Variants in TDRD3 observed in about 807,000 individuals in gnomAD.
TDRD3 encodes the protein tudor domain-containing protein 3.
TDRD3 carries 45 observed loss-of-function variants against 86.7 expected under a neutral mutation model. The ratio of observed to expected loss-of-function variants is 0.52; its 90% confidence interval spans 0.41 to 0.67. The LOEUF (loss-of-function observed/expected upper bound fraction) is 0.67. TDRD3 is among the 30% of genes least tolerant of loss of function. TDRD3 has a pLI of 0.00. For missense variants in TDRD3, 814 were observed against 889.0 expected (o/e 0.92, Z 1.07); for synonymous variants, 298 against 301.7 (o/e 0.99, Z 0.13).
intron 6 of TDRD3, 34 bp from the exon 7 acceptor site, chr13:60,485,762 AACT>A: frequency 6.8e-7 from 1 of 1,474,840 alleles, no homozygotes; most frequent in Non-Finnish European, 9.0e-7. Context: ...TCTCTTTTGG[AACT>A]ACTAAGTTGA....
Position 60,460,417 on chromosome 13 carries a change from G to A in TDRD3, c.230G>A (p.Arg77His), listed in dbSNP as rs750425254. 1.0e-5 allele frequency: 16 copies of A among 1,601,008 alleles called. No homozygotes were observed. Among genetic ancestry groups the A allele is most frequent in the South Asian group, 2.3e-5 (2 of 87,778 alleles). Residue 77 changes from arginine (R) to histidine (H), a missense_variant, in exon 4 of 14, where the codon CGC becomes CAC. By Grantham distance (29) the Arg-to-His change is conservative. Coordinates refer to ENST00000377881, the MANE Select transcript of TDRD3 (RefSeq NM_001146070.2). ...TGTGTTTTGCAAATTCAAAAAATTC[G>A]CAATGTTGCTGCACCAAAGGATAAT... ...GPCVLQIQKI[R>H]NVAAPKDNEE...
chr13:60,424,069 T>G (rs1954733164), intron 1 of TDRD3, among the ~76,000 whole-genome samples: 1 of 152,092 alleles, frequency 6.6e-6, no homozygotes, highest in Non-Finnish European at 1.5e-5. Flanking sequence ...TCGCCCAGGC[T>G]GGAGTGCAGT....
chr13:60,420,179 C>T (rs1490538613), intron 1 of TDRD3, among the ~76,000 whole-genome samples: 1 of 151,746 alleles, frequency 6.6e-6, no homozygotes, highest in Non-Finnish European at 1.5e-5. Flanking sequence ...ATGTTTTTTA[C>T]CTAACAACAA....
chr13:60,526,181 TA>T (rs1203238495), intron 10 of TDRD3, among the ~76,000 whole-genome samples: 14 of 152,310 alleles, frequency 9.2e-5, no homozygotes, highest in African/African-American at 3.4e-4. Flanking sequence ...AATTCTTCCC[TA>T]AACAGCAGAT....
chr13:60,518,179 G>C (rs1005249710), intron 10 of TDRD3, among the ~76,000 whole-genome samples: 2 of 152,176 alleles, frequency 1.3e-5, no homozygotes, highest in Non-Finnish European at 2.9e-5. Flanking sequence ...GATGCAGTGA[G>C]GCACCCAAGC....
intron 1 of TDRD3, among the ~76,000 whole-genome samples, chr13:60,405,825 G>A (rs1954220504): frequency 6.6e-6 from 1 of 152,164 alleles, no homozygotes; most frequent in African/African-American, 2.4e-5. Context: ...AAGTATCCTT[G>A]GACTGAAGAA....
chr13:60,446,997 A>C (rs1955416744), intron 3 of TDRD3, among the ~76,000 whole-genome samples: 1 of 152,198 alleles, frequency 6.6e-6, no homozygotes, highest in East Asian at 1.9e-4. Flanking sequence ...ACAGGACAAC[A>C]GTTGGCAAAC....
intron 10 of TDRD3, among the ~76,000 whole-genome samples, chr13:60,519,163 C>G (rs1177822161): frequency 2.0e-5 from 3 of 152,018 alleles, no homozygotes; most frequent in Non-Finnish European, 4.4e-5. Context: ...CCATTATTTT[C>G]TTCCTCCTCA....
At chr13:60,563,006 A>G (rs1207356424) in intron 12 of TDRD3, among the ~76,000 whole-genome samples, 1 of 152,090 alleles carries the variant, frequency 6.6e-6, no homozygotes, top group Non-Finnish European at 1.5e-5. Context: ...AGGTGGGTGG[A>G]TCACCTGAGG....
rs756096498 is a variant in TDRD3, at chr13:60,483,840, T to C, written c.561T>C (p.Phe187=). The C allele has an allele frequency of 1.2e-6, 2 of 1,613,064 alleles. No individual in the cohort carries two copies. The highest frequency in any genetic ancestry group is 1.7e-6 in the Non-Finnish European group (2 of 1,179,492). Residue 187 remains phenylalanine (F), a synonymous_variant, in exon 6 of 14, where the codon TTT becomes TTC. Transcript: ENST00000377881. ...GTGGACCACCGCCTTTTGTGCCTTT[T>C]GGACAGGTAATGACTTTTGTGTTGG... ...TEGGPPPFVP[F]GQKCVSHVQV...
Position 60,465,289 on chromosome 13 carries a change from A to G in TDRD3, c.354-1949A>G, listed in dbSNP as rs144076612. Among the ~76,000 whole-genome samples, 606 of 152,226 alleles carry G rather than the reference A, an allele frequency of 4.0e-3. 1 individual carries two copies. Among genetic ancestry groups the G allele is most frequent in the Non-Finnish European group, 6.4e-3 (435 of 67,988 alleles). On this transcript the variant is annotated intron_variant, in intron 4 of 13. Coordinates refer to ENST00000377881, the MANE Select transcript of TDRD3 (RefSeq NM_001146070.2). The stretch of plus-strand genomic sequence containing the variant: ...GTGTCCTTGGTGCTTATTTTTATTT[A>G]TCCTTGTACAATGACTGTCAGAGTT...
chr13:60,555,183 C>G (rs1451226589), intron 12 of TDRD3, among the ~76,000 whole-genome samples: 1 of 152,040 alleles, frequency 6.6e-6, no homozygotes, highest in Non-Finnish European at 1.5e-5. Context: ...ATATGTTGAA[C>G]CTTTTGAAAT....
chr13:60,395,671 T>G (rs1239952375), upstream of TDRD3, among the ~76,000 whole-genome samples: 1 of 152,182 alleles, frequency 6.6e-6, no homozygotes, highest in Non-Finnish European at 1.5e-5. Flanking sequence ...CAGGTTACAC[T>G]AACTGAAAAA....
At chr13:60,451,035 A>C (rs1338285149) in intron 3 of TDRD3, among the ~76,000 whole-genome samples, 1 of 152,248 alleles carries the variant, frequency 6.6e-6, no homozygotes, top group Admixed American at 6.5e-5. Flanking sequence ...TTGTAGTGGA[A>C]ACTAAAGAAT....
chr13:60,558,849 A>G (rs1434724805), intron 12 of TDRD3, among the ~76,000 whole-genome samples: 1 of 152,084 alleles, frequency 6.6e-6, no homozygotes, highest in Non-Finnish European at 1.5e-5. Context: ...GAATTATATG[A>G]AATTATTAGT....
At chr13:60,552,748 C>G (rs951563476) in intron 12 of TDRD3, among the ~76,000 whole-genome samples, 3 of 152,236 alleles carry the variant, frequency 2.0e-5, no homozygotes, top group Non-Finnish European at 4.4e-5. Flanking sequence ...GTGGAGGCTC[C>G]CAAACCTCAA....
At chr13:60,397,520 C>T (rs1953955231) in intron 1 of TDRD3, 115 bp downstream of exon 1, 1 of 860,454 alleles carries the variant, frequency 1.2e-6, no homozygotes, top group Non-Finnish European at 1.6e-6. Flanking sequence ...TCGTCCGCCC[C>T]CGGCCTCTCC....
intron 10 of TDRD3, among the ~76,000 whole-genome samples, chr13:60,525,086 CAAAA>C (rs372010456): frequency 1.0e-4 from 4 of 39,742 alleles, no homozygotes; most frequent in East Asian, 1.0e-3. Context: ...AATTTTCTCT[CAAAA>C]AAAAAAAAAA....
At chr13:60,461,215 G>A (rs1185602801) in intron 4 of TDRD3, among the ~76,000 whole-genome samples, 2 of 152,124 alleles carry the variant, frequency 1.3e-5, no homozygotes, top group African/African-American at 4.8e-5. Flanking sequence ...TCATCACACT[G>A]TTTAATGTTC....
Sources: allele counts gnomAD v4.1 joint callset (sites outside exome capture counted in the v4.1 genomes callset), GRCh38; gene constraint gnomAD v4.1.1; transcripts MANE v1.5; gene names NCBI Gene and HGNC (gene_info 2026-07-23, HGNC 2026-07-21).